The following ATG4C variants were observed in gnomAD, a reference collection of about 807,000 sequenced individuals.
The protein encoded by ATG4C is cysteine protease ATG4C.
ATG4C carries 56 observed loss-of-function variants against 57.6 expected under a neutral mutation model. The observed-to-expected ratio is 0.97, with a 90% CI of 0.78 to 1.21. ATG4C has a LOEUF of 1.21. ATG4C is among the 50% of genes most tolerant of loss of function. The pLI is 0.00. For missense variants in ATG4C, 595 were observed against 529.8 expected (o/e 1.12, Z -1.21); for synonymous variants, 157 against 174.1 (o/e 0.90, Z 0.78).
At chr1:62,799,364 T>G (rs1165656994) in intron 1 of ATG4C, among the ~76,000 whole-genome samples, 1 of 152,206 alleles carries the variant, frequency 6.6e-6, no homozygotes, top group African/African-American at 2.4e-5. Context: ...CGAAAATAAT[T>G]TTATCGTTCT....
intron 1 of ATG4C, among the ~76,000 whole-genome samples, chr1:62,791,159 A>C (rs542460222): frequency 1.3e-5 from 2 of 152,334 alleles, no homozygotes; most frequent in South Asian, 4.1e-4. Context: ...ATATAACCAC[A>C]TTCAGCCTTA....
chr1:62,803,422 T>C (rs1433872880), intron 1 of ATG4C, among the ~76,000 whole-genome samples: 1 of 152,220 alleles, frequency 6.6e-6, no homozygotes, highest in Non-Finnish European at 1.5e-5. Context: ...ATTGATTTAT[T>C]GTATTCAATT....
chr1:62,803,075 T>C (rs987787550), intron 1 of ATG4C, among the ~76,000 whole-genome samples: 2 of 152,216 alleles, frequency 1.3e-5, no homozygotes, highest in African/African-American at 4.8e-5. Flanking sequence ...CAATTTTCCC[T>C]AAAGTCAGTA....
intron 5 of ATG4C, among the ~76,000 whole-genome samples, chr1:62,820,679 T>C (rs576867097): frequency 9.6e-4 from 146 of 152,168 alleles, no homozygotes; most frequent in Admixed American, 9.5e-3. Context: ...GTTCAGGTCA[T>C]ATAGGTTTTT....
In ATG4C at chr1:62,819,303, G is replaced by C. The variant is rs752674789; in HGVS notation, c.693G>C (p.Trp231Cys). ...AGTCTGGGAAAAAAGCAGGAGATTG[G>C]TATGGACCAGCTGTGGTTGCTCACA... ...GKKSGKKAGD[W>C]YGPAVVAHIL... The change falls in exon 5 of 11, where the codon TGG becomes TGC. Residue 231 changes from tryptophan to cysteine, a missense_variant. By Grantham distance (215) the Trp-to-Cys change is radical (BLOSUM62 -2). Transcript: ENST00000317868. The C allele has an allele frequency of 3.1e-6, 5 of 1,608,242 alleles. No individual in the cohort carries two copies. The highest frequency in any genetic ancestry group is 3.4e-6 in the Non-Finnish European group (4 of 1,178,200).
chr1:62,811,804 A>G (rs920177778), intron 3 of ATG4C, among the ~76,000 whole-genome samples: 1 of 152,206 alleles, frequency 6.6e-6, no homozygotes, highest in Non-Finnish European at 1.5e-5. Flanking sequence ...ATTCCTACTT[A>G]ACGTCATAGA....
chr1:62,853,383 G>A (rs770847920), intron 10 of ATG4C, among the ~76,000 whole-genome samples: 1 of 152,194 alleles, frequency 6.6e-6, no homozygotes, highest in African/African-American at 2.4e-5. Context: ...TCATTATGAG[G>A]ATTAAAGATT....
chr1:62,805,182 G>A lies in ATG4C; in HGVS notation c.87G>A (p.Leu29=). Residue 29 remains leucine, a synonymous_variant, in exon 3 of 11, where the codon TTG becomes TTA. Transcript: ENST00000317868. ...TTTTTTTTTTGCTAGGTTGGGTGTT[G>A]AAAACAAAGACGTATTTTAGTAGAA... is the stretch of plus-strand genomic sequence containing the variant. ...AWNNMKYSWV[L]KTKTYFSRNS... The A allele has an allele frequency of 6.7e-7, 1 of 1,492,764 alleles. No individual in the cohort carries two copies. Among genetic ancestry groups the A allele is most frequent in the Non-Finnish European group, 8.8e-7 (1 of 1,131,478 alleles). 92.5% of individuals were successfully genotyped at this position (1,492,764 alleles called of 1,614,324 possible).
intron 7 of ATG4C, among the ~76,000 whole-genome samples, chr1:62,831,841 G>A (rs1665852138): frequency 6.6e-6 from 1 of 152,184 alleles, no homozygotes; most frequent in Non-Finnish European, 1.5e-5. Flanking sequence ...CGTTGCAAGG[G>A]AAATACAGAT....
chr1:62,864,058 T>C lies in ATG4C; in HGVS notation c.1276T>C (p.Tyr426His), dbSNP rs1003100294. ...TTTTGTAAATGGTCATTCCAGAGAC[T>C]ATGATTTTACATCTACTACAACCAA... is the stretch of plus-strand genomic sequence containing the variant. The part of the protein sequence containing the change: ...FTFVNGHSRD[Y>H]DFTSTTTNEE... The change falls in exon 11 of 11, where the codon TAT (tyrosine) becomes CAT (histidine). Residue 426 changes from tyrosine (Y) to histidine (H), a missense_variant. Transcript: ENST00000317868. The C allele has an allele frequency of 1.2e-6, 2 of 1,600,572 alleles. No homozygotes were observed. The highest frequency in any genetic ancestry group is 2.7e-5 in the African/African-American group (2 of 74,088).
intron 3 of ATG4C, among the ~76,000 whole-genome samples, chr1:62,807,991 C>T (rs971409406): frequency 6.6e-6 from 1 of 152,126 alleles, no homozygotes; most frequent in Non-Finnish European, 1.5e-5. Flanking sequence ...GTATAGGATT[C>T]CCGGTTGGTG....
At chr1:62,819,387 G>A in intron 5 of ATG4C, 52 bp downstream of exon 5, 2 of 1,437,200 alleles carry the variant, frequency 1.4e-6, no homozygotes, top group Non-Finnish European at 1.9e-6. Flanking sequence ...TCAGGATTAA[G>A]AGATACTGAT....
At chr1:62,835,611 C>A in intron 9 of ATG4C, 1 of 165,204 alleles carries the variant, frequency 6.1e-6, no homozygotes, top group Admixed American at 6.2e-5. Flanking sequence ...TAATTGCTTG[C>A]TAGCTAATAT....
Position 62,819,286 on chromosome 1 carries a change from A to G in ATG4C, c.676A>G (p.Lys226Glu), listed in dbSNP as rs1665403759. The G allele has an allele frequency of 1.9e-5, 30 of 1,611,528 alleles. No homozygotes were observed. Among genetic ancestry groups the G allele is most frequent in the Non-Finnish European group, 2.5e-5 (29 of 1,179,216 alleles). Residue 226 changes from lysine to glutamate, a missense_variant, in exon 5 of 11, where the codon AAA becomes GAA. Lys to Glu is a moderately conservative substitution (Grantham distance 56). Coordinates refer to ENST00000317868, the MANE Select transcript of ATG4C (RefSeq NM_032852.4). ...QLIEYGKKSG[K>E]KAGDWYGPAV... ...AATAGAATATGGAAAGAAGTCTGGG[A>G]AAAAAGCAGGAGATTGGTATGGACC...
At chr1:62,836,635 A>C (rs1286369959) in intron 9 of ATG4C, among the ~76,000 whole-genome samples, 1 of 152,092 alleles carries the variant, frequency 6.6e-6, no homozygotes, top group Non-Finnish European at 1.5e-5. Flanking sequence ...TTGCTTTGCT[A>C]TACTGCTTGT....
At chr1:62,784,683 T>C (rs1339931044) in intron 1 of ATG4C, among the ~76,000 whole-genome samples, 1 of 152,230 alleles carries the variant, frequency 6.6e-6, no homozygotes, top group Non-Finnish European at 1.5e-5. Flanking sequence ...CCCCACTGTC[T>C]CTCTGTTCTC....
At position 62,829,028 on chromosome 1, in the gene ATG4C, T is replaced by C; in HGVS notation, c.797-12T>C. 6.3e-7 allele frequency: 1 copy of C among 1,592,988 alleles called. No homozygotes were observed. The highest frequency in any genetic ancestry group is 1.2e-5 in the South Asian group (1 of 86,230). ...TATAAAATTTAATACATATTCATTA[T>C]GTTTTTCTCAGTTTACAATTCTGAT... On this transcript the variant is annotated splice_polypyrimidine_tract_variant and intron_variant, in intron 6 of 10. Transcript: ENST00000317868.
chr1:62,793,428 A>G (rs903937078), intron 1 of ATG4C, among the ~76,000 whole-genome samples: 1 of 151,168 alleles, frequency 6.6e-6, no homozygotes, highest in Admixed American at 6.6e-5. Context: ...CCTGGGCCAT[A>G]TGGCAAAACC....
At chr1:62,844,069 A>G (rs191411908) in intron 10 of ATG4C, among the ~76,000 whole-genome samples, 2 of 152,286 alleles carry the variant, frequency 1.3e-5, no homozygotes, top group East Asian at 3.9e-4. Flanking sequence ...AAAAGTATAG[A>G]AGGAAAGTGG....
Sources: allele counts gnomAD v4.1 joint callset (sites outside exome capture counted in the v4.1 genomes callset), GRCh38; gene constraint gnomAD v4.1.1; transcripts MANE v1.5; gene names NCBI Gene and HGNC (gene_info 2026-07-23, HGNC 2026-07-21).